SARS1: variants seen among roughly 807,000 people sequenced by gnomAD.
SARS1 encodes seryl-tRNA synthetase 1.
SARS1 carries 25 observed loss-of-function variants against 63.7 expected under a neutral mutation model. The observed-to-expected ratio is 0.39, with a 90% CI of 0.29 to 0.55. The LOEUF is 0.55. SARS1 is among the 20% of genes least tolerant of loss of function. The pLI is 0.62. For missense variants in SARS1, 417 were observed against 649.7 expected (o/e 0.64, Z 3.89); for synonymous variants, 231 against 243.5 (o/e 0.95, Z 0.48).
chr1:109,236,622 G>T, intron 9 of SARS1, 74 bp downstream of exon 9: 1 of 1,550,742 alleles, frequency 6.4e-7, no homozygotes, highest in East Asian at 2.3e-5. Flanking sequence ...TCAGCCTTTG[G>T]GGTGCACTGG....
intron 8 of SARS1, 76 bp downstream of exon 8, chr1:109,236,182 C>A: frequency 1.3e-6 from 2 of 1,504,776 alleles, no homozygotes; most frequent in Non-Finnish European, 9.0e-7. Flanking sequence ...AGCTGCCACA[C>A]AGAGAAACAG....
intron 1 of SARS1, among the ~76,000 whole-genome samples, chr1:109,222,370 G>A (rs1252219708): frequency 6.6e-6 from 1 of 151,924 alleles, no homozygotes; most frequent in Non-Finnish European, 1.5e-5. Flanking sequence ...GATTTTGCCA[G>A]TTTTGCACAC....
Position 109,236,552 on chromosome 1 carries a change from G to T in SARS1, c.1257+4G>T, listed in dbSNP as rs773189932. The T allele has an allele frequency of 3.7e-5, 59 of 1,598,864 alleles. No individual in the cohort carries two copies. Among genetic ancestry groups the T allele is most frequent in the Non-Finnish European group, 5.0e-5 (58 of 1,167,292 alleles). ...AACCAAGAAGATGATGGACAAGGTA[G>T]ATGGCCCCCAGGGAGGTGGGAAGCA... On this transcript the variant is annotated splice_donor_region_variant and intron_variant, in intron 9 of 10. Coordinates refer to ENST00000234677, the MANE Select transcript of SARS1 (RefSeq NM_006513.4).
chr1:109,213,945 T>C lies in SARS1; in HGVS notation c.-48T>C. ...AGTGCGGCGGTCACAGGCTGAGTGC[T>C]GCGGCGCGATCCTTGCTTCCCTGAG... On this transcript the variant is annotated 5_prime_UTR_variant, in exon 1 of 11. Coordinates refer to ENST00000234677, the MANE Select transcript of SARS1 (RefSeq NM_006513.4). 1 of 1,565,756 alleles carries C rather than the reference T, an allele frequency of 6.4e-7. No homozygotes were observed. Among genetic ancestry groups the C allele is most frequent in the Admixed American group, 1.8e-5 (1 of 55,476 alleles).
chr1:109,215,091 G>A (rs985869911), intron 1 of SARS1: 1 of 985,436 alleles, frequency 1.0e-6, no homozygotes, highest in African/African-American at 1.7e-5. Flanking sequence ...TTTCTATTAG[G>A]AAAATTGATT....
rs1654809872 is a variant in SARS1 at position 109,217,194 on chromosome 1, C to T, written c.136+3066C>T. 5 of 899,438 alleles carry T rather than the reference C, an allele frequency of 5.6e-6. No individual in the cohort carries two copies. The South Asian group carries it at 2.0e-4, about 37-fold the overall frequency. 55.7% of individuals were successfully genotyped at this position (899,438 alleles called of 1,614,324 possible). A position where few individuals can be genotyped will look rare whatever the true frequency, so the allele number is the denominator to read the frequency against. ...CCTTGACTTAGGATGGGTTTATGTC[C>T]CAATAAATCCACCATAAGTTGAAAA... On this transcript the variant is annotated intron_variant, in intron 1 of 10. Coordinates refer to ENST00000234677, the MANE Select transcript of SARS1 (RefSeq NM_006513.4).
At chr1:109,233,962 C>A (rs915684018) in intron 6 of SARS1, among the ~76,000 whole-genome samples, 2 of 149,960 alleles carry the variant, frequency 1.3e-5, no homozygotes, top group African/African-American at 4.9e-5. Flanking sequence ...CTCTACGCAC[C>A]GAGTTCAAGG....
At chr1:109,226,371 A>T (rs1267049040) in intron 2 of SARS1, among the ~76,000 whole-genome samples, 1 of 140,674 alleles carries the variant, frequency 7.1e-6, no homozygotes, top group Non-Finnish European at 1.5e-5. Flanking sequence ...TTTTTTTTTG[A>T]CACAGTGTCT....
chr1:109,234,569 T>C lies in SARS1; in HGVS notation c.748-641T>C, dbSNP rs76533102. Among the ~76,000 whole-genome samples, 374 of 152,344 alleles carry C rather than the reference T, an allele frequency of 2.5e-3. 2 individuals carry two copies. The highest frequency in any genetic ancestry group is 8.6e-3 in the African/African-American group (356 of 41,582). ...CTTTTTGCTCCACATTGGTGTTTAG[T>C]AAACGTCTCACAAGGATTAATGTAT... On this transcript the variant is annotated intron_variant, in intron 6 of 10. Coordinates refer to ENST00000234677, the MANE Select transcript of SARS1 (RefSeq NM_006513.4).
chr1:109,217,561 A>T (rs906630936), intron 1 of SARS1, among the ~76,000 whole-genome samples: 5 of 149,156 alleles, frequency 3.4e-5, no homozygotes, highest in Non-Finnish European at 5.9e-5. Flanking sequence ...ATATATATAT[A>T]ATTATTATTA....
chr1:109,228,333 G>GT lies in SARS1; in HGVS notation c.208-12dup, dbSNP rs748685779. 8 of 1,589,318 alleles carry GT rather than the reference G, an allele frequency of 5.0e-6. No homozygotes were observed. The highest frequency in any genetic ancestry group is 4.5e-5 in the East Asian group (2 of 44,686). ...ATTTTCTTTTATTTATTTGTGTTGG[G>GT]TTTTTTTCCTTCCTGCAGAAAAAAG... On this transcript the variant is annotated intron_variant, in intron 2 of 10. Transcript: ENST00000234677.
At chr1:109,216,787 T>C (rs1654799093) in intron 1 of SARS1, 2 of 468,508 alleles carry the variant, frequency 4.3e-6, no homozygotes, top group African/African-American at 4.2e-5. Context: ...CATGCCTGGC[T>C]AATGTGTGTA....
intron 2 of SARS1, among the ~76,000 whole-genome samples, chr1:109,226,736 A>ATATT (rs67264041): frequency 2.0e-4 from 20 of 100,254 alleles, no homozygotes; most frequent in African/African-American, 7.4e-4. Context: ...ACATATATAT[A>ATATT]TATTTATTTA....
At chr1:109,227,615 C>T (rs1049614784) in intron 2 of SARS1, among the ~76,000 whole-genome samples, 5 of 152,032 alleles carry the variant, frequency 3.3e-5, no homozygotes, top group Non-Finnish European at 5.9e-5. Flanking sequence ...AGAATCTACA[C>T]TCGGGGCCGG....
In SARS1 at chr1:109,230,991, G is replaced by A. The variant is rs777773300; in HGVS notation, c.561G>A (p.Val187=). Reference sequence around the variant, plus strand: ...GCTTTGAAGGCGAAAAGGGGGCCGTGGTGGCTGGGAGTCGAGGGTACTTCT... The same window carrying A: ...GCTTTGAAGGCGAAAAGGGGGCCGTAGTGGCTGGGAGTCGAGGGTACTTCT... ...VDGFEGEKGA[V]VAGSRGYFLK... is the part of the protein sequence containing the mutation. Residue 187 remains valine, a synonymous_variant, in exon 5 of 11, where the codon GTG becomes GTA. Transcript: ENST00000234677. The A allele has an allele frequency of 6.5e-7, 1 of 1,545,758 alleles. No homozygotes were observed. The highest frequency in any genetic ancestry group is 1.3e-5 in the South Asian group (1 of 79,842).
intron 2 of SARS1, among the ~76,000 whole-genome samples, chr1:109,226,673 A>T (rs1372166267): frequency 1.7e-3 from 56 of 32,104 alleles, no homozygotes; most frequent in South Asian, 2.2e-3. Flanking sequence ...TAAAAAAAAA[A>T]AAAAATATAT....
At chr1:109,224,524 CT>C (rs879307927) in intron 2 of SARS1, among the ~76,000 whole-genome samples, 57 of 147,232 alleles carry the variant, frequency 3.9e-4, no homozygotes, top group Admixed American at 4.1e-4. Context: ...ATTGTTAGAA[CT>C]TTTTTTTTTT....
At chr1:109,221,952 T>C (rs1654936416) in intron 1 of SARS1, among the ~76,000 whole-genome samples, 1 of 92,714 alleles carries the variant, frequency 1.1e-5, no homozygotes, top group Non-Finnish European at 1.9e-5. Flanking sequence ...CATGCTCAGC[T>C]AATTTTTTTG....
chr1:109,218,943 T>G (rs1156793356), intron 1 of SARS1, among the ~76,000 whole-genome samples: 1 of 152,084 alleles, frequency 6.6e-6, no homozygotes, highest in Non-Finnish European at 1.5e-5. Context: ...TTTCTAAATA[T>G]ATACACCAAT....
Sources: gnomAD v4.1 joint callset for allele counts (sites outside exome capture counted in the v4.1 genomes callset) on GRCh38, gnomAD v4.1.1 for gene constraint, MANE v1.5 for transcripts, NCBI Gene and HGNC (gene_info 2026-07-23, HGNC 2026-07-21) for gene names.